GUCY1A2: variants seen among roughly 807,000 people sequenced by gnomAD.
GUCY1A2 encodes guanylate cyclase soluble subunit alpha-2.
In GUCY1A2, 27 loss-of-function variants were observed where a neutral mutation model predicts 63.5. The observed-to-expected ratio is 0.43, with a 90% CI of 0.31 to 0.59. The LOEUF (loss-of-function observed/expected upper bound fraction) is 0.59. Among genes scored for constraint, GUCY1A2 ranks in the 20% least tolerant of loss-of-function variants. GUCY1A2 has a pLI of 0.11. For synonymous variants in GUCY1A2, 364 were observed against 343.5 expected, an observed-to-expected ratio of 1.06 and a Z score of -0.66; for missense variants, 768 against 913.3, an observed-to-expected ratio of 0.84 and a Z score of 2.05.
At chr11:106,756,448 G>A (rs778028185) in intron 6 of GUCY1A2, among the ~76,000 whole-genome samples, 23 of 152,172 alleles carry the variant, frequency 1.5e-4, no homozygotes, top group Middle Eastern at 3.2e-3. Flanking sequence ...AGTGTTGATG[G>A]TCTTTACAAT....
chr11:106,923,916 T>C (rs1860483513), intron 4 of GUCY1A2, among the ~76,000 whole-genome samples: 1 of 152,136 alleles, frequency 6.6e-6, no homozygotes, highest in Non-Finnish European at 1.5e-5. Context: ...ATTTGTAAAA[T>C]AAAACTAAAA....
intron 3 of GUCY1A2, among the ~76,000 whole-genome samples, chr11:106,951,622 C>T (rs150300816): frequency 6.0e-4 from 91 of 152,108 alleles, no homozygotes; most frequent in African/African-American, 1.9e-3. Context: ...GTTAAGTTCC[C>T]GGTAAATTCT....
chr11:106,859,418 C>T (rs1859478809), intron 4 of GUCY1A2, among the ~76,000 whole-genome samples: 1 of 151,890 alleles, frequency 6.6e-6, no homozygotes, highest in Non-Finnish European at 1.5e-5. Context: ...AGTCTATTTT[C>T]CCTACCCTGT....
At chr11:106,868,428 G>C (rs1464773496) in intron 4 of GUCY1A2, among the ~76,000 whole-genome samples, 1 of 152,096 alleles carries the variant, frequency 6.6e-6, no homozygotes, top group Admixed American at 6.6e-5. Context: ...CAAAATCAAT[G>C]TGCAAAAATC....
At chr11:106,820,936 T>A (rs1858893823) in intron 4 of GUCY1A2, among the ~76,000 whole-genome samples, 1 of 152,212 alleles carries the variant, frequency 6.6e-6, no homozygotes, top group South Asian at 2.1e-4. Flanking sequence ...ACAATTTATC[T>A]CTGTGCTTTT....
intron 5 of GUCY1A2, among the ~76,000 whole-genome samples, chr11:106,801,683 TTAATAA>T (rs1178445471): frequency 6.6e-6 from 1 of 152,142 alleles, no homozygotes; most frequent in East Asian, 1.9e-4. Context: ...GCCATCATAC[TTAATAA>T]TAATTTAATT....
At chr11:106,844,900 C>A (rs1224170608) in intron 4 of GUCY1A2, among the ~76,000 whole-genome samples, 1 of 151,602 alleles carries the variant, frequency 6.6e-6, no homozygotes, top group African/African-American at 2.4e-5. Flanking sequence ...AATTAGTGAA[C>A]TTTAAGGCAT....
Position 106,995,305 on chromosome 11 carries a change from G to A in GUCY1A2, c.304-9174C>T, listed in dbSNP as rs565568569. Among the ~76,000 whole-genome samples the A allele has an allele frequency of 1.9e-4, 29 of 151,792 alleles. No homozygotes were observed. The South Asian group carries it at 5.9e-3, about 31-fold the overall frequency. On this transcript the variant is annotated intron_variant, in intron 1 of 7. Transcript: ENST00000526355. Reference sequence around the variant, plus strand: ...CAAGAGAGTCAGAAGTATTACCCCGGTTTTATGAATGTGAAAAAATGAAAC... The same window carrying A: ...CAAGAGAGTCAGAAGTATTACCCCGATTTTATGAATGTGAAAAAATGAAAC...
intron 6 of GUCY1A2, among the ~76,000 whole-genome samples, chr11:106,722,405 A>G (rs1307505210): frequency 6.6e-6 from 1 of 152,022 alleles, no homozygotes; most frequent in African/African-American, 2.4e-5. Flanking sequence ...TGCAAAAAGA[A>G]AAAAAAATCT....
At chr11:106,979,330 C>T (rs1263997852) in intron 2 of GUCY1A2, among the ~76,000 whole-genome samples, 2 of 152,016 alleles carry the variant, frequency 1.3e-5, no homozygotes, top group Non-Finnish European at 2.9e-5. Context: ...TGGCAGGCGC[C>T]TGTAGTCCCA....
intron 5 of GUCY1A2, among the ~76,000 whole-genome samples, chr11:106,785,349 A>G (rs1864538079): frequency 6.6e-6 from 1 of 152,126 alleles, no homozygotes; most frequent in African/African-American, 2.4e-5. Context: ...CTCAGCCCTC[A>G]GGATTTTCAA....
chr11:106,687,046 G>T lies in GUCY1A2; in HGVS notation c.*503C>A, dbSNP rs1862538243. On this transcript the variant is annotated 3_prime_UTR_variant, in exon 8 of 8. Transcript: ENST00000526355. ...ATAGGTAATATCCCTAAAATATTTT[G>T]CCGAGTTACAATTCTTCCAGTTGGG... The T allele has an allele frequency of 9.1e-6, 2 of 218,718 alleles. No homozygotes were observed. The highest frequency in any genetic ancestry group is 1.1e-4 in the Admixed American group (2 of 17,398). The allele number at this position is 218,718 out of a possible 1,614,324, so 13.5% of individuals were successfully genotyped here.
At chr11:106,981,510 G>A (rs577656058) in intron 2 of GUCY1A2, among the ~76,000 whole-genome samples, 1 of 151,704 alleles carries the variant, frequency 6.6e-6, no homozygotes, top group African/African-American at 2.4e-5. Context: ...TTACTGGCAT[G>A]GTTCTGAATA....
chr11:106,974,766 G>C (rs981669549), intron 3 of GUCY1A2, among the ~76,000 whole-genome samples: 1 of 152,112 alleles, frequency 6.6e-6, no homozygotes. Context: ...CTGACAGAGA[G>C]AGACCTTTAA....
chr11:106,846,047 T>G (rs1859266648), intron 4 of GUCY1A2, among the ~76,000 whole-genome samples: 1 of 151,442 alleles, frequency 6.6e-6, no homozygotes, highest in African/African-American at 2.4e-5. Context: ...ATCAGAAAAA[T>G]TCAGATTGTA....
intron 6 of GUCY1A2, chr11:106,746,689 TAAA>T (rs769220339): frequency 4.5e-6 from 5 of 1,121,894 alleles, no homozygotes; most frequent in Non-Finnish European, 6.5e-6. Context: ...GGGACAAAAA[TAAA>T]AAATCAGTAC....
chr11:106,998,121 T>G (rs1243648388), intron 1 of GUCY1A2, among the ~76,000 whole-genome samples: 1 of 152,182 alleles, frequency 6.6e-6, no homozygotes, highest in Non-Finnish European at 1.5e-5. Flanking sequence ...TATCACAAAA[T>G]GGCCATCATG....
At chr11:106,979,775 A>G (rs1311654001) in intron 2 of GUCY1A2, among the ~76,000 whole-genome samples, 1 of 152,200 alleles carries the variant, frequency 6.6e-6, no homozygotes, top group African/African-American at 2.4e-5. Context: ...CAAGAAGACC[A>G]GAGCTCTTCT....
chr11:106,998,700 G>C (rs1861572557), intron 1 of GUCY1A2, among the ~76,000 whole-genome samples: 1 of 151,710 alleles, frequency 6.6e-6, no homozygotes, highest in Admixed American at 6.6e-5. Context: ...CAAAATCTCT[G>C]GAATCTCTAA....
Sources: allele counts gnomAD v4.1 joint callset (sites outside exome capture counted in the v4.1 genomes callset), GRCh38; gene constraint gnomAD v4.1.1; transcripts MANE v1.5; gene names NCBI Gene and HGNC (gene_info 2026-07-23, HGNC 2026-07-21).